EZR: variants seen among roughly 807,000 people sequenced by gnomAD.
The protein encoded by EZR is cytovillin 2.
EZR carries 40 observed loss-of-function variants against 74.8 expected under a neutral mutation model. The ratio of observed to expected loss-of-function variants is 0.53; its 90% CI spans 0.42 to 0.70. EZR has a LOEUF of 0.70. EZR is among the 30% of genes least tolerant of loss of function. The pLI is 0.00. For missense variants in EZR, 678 were observed against 755.8 expected (o/e 0.90, Z 1.21); for synonymous variants, 341 against 283.3 (o/e 1.20, Z -2.05).
At chr6:158,792,680 GT>G (rs1211280353) in intron 2 of EZR, among the ~76,000 whole-genome samples, 1 of 151,920 alleles carries the variant, frequency 6.6e-6, no homozygotes, top group African/African-American at 2.4e-5. Context: ...TTATCCAGGT[GT>G]GCGGGCGCCT....
At chr6:158,809,672 T>C (rs1356526890) in intron 2 of EZR, among the ~76,000 whole-genome samples, 1 of 152,232 alleles carries the variant, frequency 6.6e-6, no homozygotes, top group Non-Finnish European at 1.5e-5. Flanking sequence ...GTGGATCTGC[T>C]TCCAAATATT....
intron 11 of EZR, 34 bp from the exon 12 acceptor site, chr6:158,769,452 G>A (rs1791026287): frequency 6.3e-7 from 1 of 1,588,800 alleles, no homozygotes. Flanking sequence ...CGTCAGTTCT[G>A]ATATCCTTTC....
intron 2 of EZR, among the ~76,000 whole-genome samples, chr6:158,811,875 C>CAA (rs58499377): frequency 2.1e-5 from 3 of 140,712 alleles, no homozygotes; most frequent in African/African-American, 8.0e-5. Context: ...ACCCTGTTTC[C>CAA]AAAAAAAAAA....
chr6:158,784,885 T>G (rs1046479818), intron 5 of EZR, among the ~76,000 whole-genome samples, 158 bp from the exon 6 acceptor site: 1 of 152,238 alleles, frequency 6.6e-6, no homozygotes, highest in African/African-American at 2.4e-5. Flanking sequence ...GCATTTCTAT[T>G]TATGACAGTT....
At chr6:158,814,281 C>T (rs1315815843) in intron 2 of EZR, among the ~76,000 whole-genome samples, 2 of 152,148 alleles carry the variant, frequency 1.3e-5, no homozygotes, top group South Asian at 2.1e-4. Flanking sequence ...CTGCCGCGTG[C>T]GCCCCCCAGC....
In EZR at chr6:158,779,333, G is replaced by A. The variant is rs367562038; in HGVS notation, c.699-2829C>T. Among the ~76,000 whole-genome samples, 10 of 152,262 alleles carry A rather than the reference G, an allele frequency of 6.6e-5. 1 individual carries two copies. Among genetic ancestry groups the A allele is most frequent in the African/African-American group, 2.2e-4 (9 of 41,564 alleles). ...AACTATCCCACATCGAAGGAGACAG[G>A]GAGGTCTGACAACTAACTGTGTGGC... On this transcript the variant is annotated intron_variant, in intron 7 of 13. Transcript: ENST00000367075.
Position 158,767,428 on chromosome 6 carries a change from C to CGGG in EZR, c.1426_1428dup (p.Pro476dup). ...ACATGGTAGCTCACCGGCTCGTACACGGGGGGTGGTGGGGGCGGGGGTGCT... is the reference window on the plus strand; with the variant it reads ...ACATGGTAGCTCACCGGCTCGTACACGGGGGGGGGTGGTGGGGGCGGGGGTGCT... On this transcript the variant is annotated inframe_insertion, in exon 13 of 14. Coordinates refer to ENST00000367075, the MANE Select transcript of EZR (RefSeq NM_001111077.2). 1.4e-6 allele frequency: 1 copy of CGGG among 717,480 alleles called. No homozygotes were observed. Among genetic ancestry groups the CGGG allele is most frequent in the Admixed American group, 2.2e-5 (1 of 46,238 alleles). The allele number at this position is 717,480 out of a possible 1,614,324, so 44.4% of individuals were successfully genotyped here.
intron 8 of EZR, among the ~76,000 whole-genome samples, chr6:158,774,180 T>A (rs949058131): frequency 8.5e-5 from 13 of 152,152 alleles, no homozygotes; most frequent in Non-Finnish European, 1.9e-4. Flanking sequence ...AACTTGAACT[T>A]CTTCTGCCCA....
At chr6:158,782,242 C>A (rs1163829009) in intron 7 of EZR, among the ~76,000 whole-genome samples, 1 of 152,176 alleles carries the variant, frequency 6.6e-6, no homozygotes, top group African/African-American at 2.4e-5. Flanking sequence ...TGGCACAGGT[C>A]CCTGACTTGC....
At chr6:158,790,520 CA>C (rs1419204316) in intron 2 of EZR, among the ~76,000 whole-genome samples, 1 of 152,142 alleles carries the variant, frequency 6.6e-6, no homozygotes, top group African/African-American at 2.4e-5. Flanking sequence ...ATTAAAAATA[CA>C]AAATTAGCTG....
In EZR at chr6:158,769,799, C is replaced by T; in HGVS notation, c.1236G>A (p.Lys412=). 1 of 1,613,982 alleles carries T rather than the reference C, an allele frequency of 6.2e-7. No homozygotes were observed. Among genetic ancestry groups the T allele is most frequent in the Non-Finnish European group, 8.5e-7 (1 of 1,180,034 alleles). Residue 412 remains lysine, a synonymous_variant, in exon 11 of 14, where the codon AAG becomes AAA. Transcript: ENST00000367075. ...CCATTCCTACCAGCTGCTCCTGGCT[C>T]TTTATCTGATCCACCGCCTGTCTCT... ...ELERQAVDQI[K]SQEQLAAELA... is the part of the protein sequence containing the mutation.
At chr6:158,807,922 T>G (rs1306808490) in intron 2 of EZR, among the ~76,000 whole-genome samples, 1 of 152,156 alleles carries the variant, frequency 6.6e-6, no homozygotes, top group African/African-American at 2.4e-5. Context: ...CATTTCAGGC[T>G]CAAATACACA....
intron 2 of EZR, among the ~76,000 whole-genome samples, chr6:158,808,367 T>C (rs974976810): frequency 5.3e-5 from 8 of 152,202 alleles, no homozygotes; most frequent in Non-Finnish European, 1.0e-4. Flanking sequence ...GTCCCATATG[T>C]AAATTTCCAA....
chr6:158,794,929 C>T (rs1000305386), intron 2 of EZR, among the ~76,000 whole-genome samples: 1 of 152,134 alleles, frequency 6.6e-6, no homozygotes, highest in Non-Finnish European at 1.5e-5. Context: ...ACTGTTTATA[C>T]TCTCCCTTTG....
Position 158,766,836 on chromosome 6 carries a change from A to G in EZR, c.*78T>C. ...GATCTGAGGGAGTTCCTAGACTTGG[A>G]GCACTAAAGACACAAGCGTGGCGGG... On this transcript the variant is annotated 3_prime_UTR_variant, in exon 14 of 14. Transcript: ENST00000367075. The G allele has an allele frequency of 1.5e-6, 2 of 1,336,886 alleles. No individual in the cohort carries two copies. The highest frequency in any genetic ancestry group is 2.1e-6 in the Non-Finnish European group (2 of 963,288). The allele number at this position is 1,336,886 out of a possible 1,614,324, so 82.8% of individuals were successfully genotyped here.
rs899494658 is a variant in EZR at position 158,818,420 on chromosome 6, GCC to G, written c.-73-256_-73-255del. Among the ~76,000 whole-genome samples, 5 of 151,240 alleles carry G rather than the reference GCC, an allele frequency of 3.3e-5. 1 individual carries two copies. Among genetic ancestry groups the G allele is most frequent in the African/African-American group, 1.2e-4 (5 of 41,280 alleles). On this transcript the variant is annotated intron_variant, in intron 1 of 13. Transcript: ENST00000367075. ...GGGGCAGCCGGCGGGCACTGGAGGT[GCC>G]CCCCAGTTGGGGGTGGGTCCGAGGA...
intron 2 of EZR, among the ~76,000 whole-genome samples, chr6:158,811,913 G>A (rs1488917036): frequency 7.7e-6 from 1 of 130,332 alleles, no homozygotes; most frequent in Admixed American, 7.4e-5. Context: ...TAACAAAAGA[G>A]GCCAGTGTGG....
In EZR at chr6:158,766,042, A is replaced by C. The variant is rs917268750; in HGVS notation, c.*872T>G. On this transcript the variant is annotated 3_prime_UTR_variant, in exon 14 of 14. Transcript: ENST00000367075. ...ATTACATGCATAAAACACTAATAAT[A>C]ATCCTGTTTACACGTGACTGCAGCA... The C allele has an allele frequency of 3.9e-5, 6 of 152,618 alleles. No homozygotes were observed. Among genetic ancestry groups the C allele is most frequent in the Non-Finnish European group, 1.5e-5 (1 of 68,022 alleles). 9.5% of individuals were successfully genotyped at this position (152,618 alleles called of 1,614,324 possible). A position where few individuals can be genotyped will look rare whatever the true frequency, so the allele number is the denominator to read the frequency against.
chr6:158,768,934 G>A (rs535059115), intron 12 of EZR, among the ~76,000 whole-genome samples: 2 of 152,288 alleles, frequency 1.3e-5, no homozygotes, highest in South Asian at 4.1e-4. Flanking sequence ...GCTGCAGGAG[G>A]TCGTGTTTCA....
Sources: gnomAD v4.1 joint callset for allele counts (sites outside exome capture counted in the v4.1 genomes callset) on GRCh38, gnomAD v4.1.1 for gene constraint, MANE v1.5 for transcripts, NCBI Gene and HGNC (gene_info 2026-07-23, HGNC 2026-07-21) for gene names.